The following STK10 variants were observed in gnomAD, a reference collection of about 807,000 sequenced individuals.
STK10 encodes the protein serine/threonine kinase 10, also known as serine/threonine-protein kinase 10.
STK10 carries 78 observed loss-of-function variants against 113.8 expected under a neutral mutation model. The observed-to-expected ratio is 0.69, with a 90% CI of 0.57 to 0.83. The LOEUF (loss-of-function observed/expected upper bound fraction) is 0.83, where lower values mean the gene tolerates loss of function less well. STK10 is among the 40% of genes least tolerant of loss of function. The probability of loss-of-function intolerance (pLI) is 0.00; values close to 1 mark genes in which losing one functional copy is unlikely to be tolerated. For missense variants in STK10, 1,109 were observed against 1,280.1 expected, an observed-to-expected ratio of 0.87 and a Z score of 2.04; for synonymous variants, 465 against 494.7, an observed-to-expected ratio of 0.94 and a Z score of 0.80.
intron 2 of STK10, among the ~76,000 whole-genome samples, chr5:172,138,062 G>A (rs1385673152): frequency 6.6e-6 from 1 of 152,086 alleles, no homozygotes; most frequent in Non-Finnish European, 1.5e-5. Flanking sequence ...CCTAGCCAGT[G>A]CACTTAGGCA....
At position 172,065,642 on chromosome 5, in the gene STK10, C is replaced by T. The variant is rs150583811; in HGVS notation, c.1990-830G>A. Among the ~76,000 whole-genome samples, 672 of 152,322 alleles carry T rather than the reference C, an allele frequency of 4.4e-3. 5 individuals carry two copies. Among genetic ancestry groups the T allele is most frequent in the African/African-American group, 0.015 (637 of 41,568 alleles). Reference sequence around the variant, plus strand: ...TCCAGGCTGGCCAAGCAGCATATTCCATGCCCTTAGCCTCAGGAACTGATT... The same window carrying T: ...TCCAGGCTGGCCAAGCAGCATATTCTATGCCCTTAGCCTCAGGAACTGATT... On this transcript the variant is annotated intron_variant, in intron 12 of 18. Coordinates refer to ENST00000176763, the MANE Select transcript of STK10 (RefSeq NM_005990.4).
intron 16 of STK10, among the ~76,000 whole-genome samples, chr5:172,055,370 T>G (rs1450701550): frequency 6.6e-6 from 1 of 152,096 alleles, no homozygotes; most frequent in Admixed American, 6.5e-5. Context: ...ATTATTTTTT[T>G]GTAGAGATGG....
chr5:172,092,358 G>A (rs1768732404), intron 9 of STK10: 1 of 152,206 alleles, frequency 6.6e-6, no homozygotes. Context: ...ATTCTCCACA[G>A]CCTTGAGAAG....
At chr5:172,170,123 T>C (rs1770639961) in intron 1 of STK10, among the ~76,000 whole-genome samples, 2 of 105,702 alleles carry the variant, frequency 1.9e-5, no homozygotes, top group African/African-American at 8.1e-5. Context: ...GTATGTATCC[T>C]TTTTTTTTTT....
At chr5:172,153,325 A>AAAG (rs1770283518) in intron 2 of STK10, among the ~76,000 whole-genome samples, 1 of 141,886 alleles carries the variant, frequency 7.0e-6, no homozygotes, top group African/African-American at 2.7e-5. Context: ...AGAAAGAAAG[A>AAAG]AATGTAAAAT....
chr5:172,049,150 C>T (rs746463182), intron 18 of STK10, among the ~76,000 whole-genome samples: 3 of 152,178 alleles, frequency 2.0e-5, no homozygotes, highest in Non-Finnish European at 4.4e-5. Flanking sequence ...TTCCGGAGGG[C>T]ATGGACTTGT....
In STK10 at chr5:172,145,424, T is replaced by TAGGA. The variant is rs1374737411; in HGVS notation, c.321+11196_321+11199dup. On this transcript the variant is annotated intron_variant, in intron 2 of 18. Transcript: ENST00000176763. ...TTTCAGTTGGTCCTTGAGGGACAGG[T>TAGGA]AGGAGTCAAACCAAGGCGGCGGGGG... Among the ~76,000 whole-genome samples, 4 of 145,194 alleles carry TAGGA rather than the reference T, an allele frequency of 2.8e-5. No individual in the cohort carries two copies. The East Asian group carries it at 8.1e-4, about 30-fold the overall frequency.
chr5:172,117,602 C>G lies in STK10; in HGVS notation c.399G>C (p.Gln133His), dbSNP rs1024764707. 1.2e-6 allele frequency: 2 copies of G among 1,613,974 alleles called. No homozygotes were observed. Among genetic ancestry groups the G allele is most frequent in the African/African-American group, 1.3e-5 (1 of 74,904 alleles). Reference sequence around the variant, plus strand: ...GCATCTGGCGGCAAACCACCTGTATCTGGGGCTCCGTGAGGCCTCTGTCCA... The same window carrying G: ...GCATCTGGCGGCAAACCACCTGTATGTGGGGCTCCGTGAGGCCTCTGTCCA... ...LELDRGLTEP[Q>H]IQVVCRQMLE... Residue 133 changes from glutamine (Q) to histidine (H), a missense_variant, in exon 4 of 19, where the codon CAG becomes CAC. Gln to His is a conservative substitution (Grantham distance 24). Around this residue, in one of 5 missense-constraint regions of STK10, gnomAD observed 120 missense variants for 134.8 expected, o/e 0.89. Coordinates refer to ENST00000176763, the MANE Select transcript of STK10 (RefSeq NM_005990.4).
intron 18 of STK10, among the ~76,000 whole-genome samples, chr5:172,047,241 A>G (rs1767511118): frequency 6.6e-6 from 1 of 152,234 alleles, no homozygotes; most frequent in South Asian, 2.1e-4. Context: ...GCAAAGAGGC[A>G]GCCCCCACAG....
chr5:172,096,367 G>A (rs1003088306), intron 8 of STK10, 59 bp downstream of exon 8: 1 of 1,593,840 alleles, frequency 6.3e-7, no homozygotes, highest in African/African-American at 1.3e-5. Context: ...CACACCAGCA[G>A]GGCCAGCTGA....
intron 2 of STK10, among the ~76,000 whole-genome samples, chr5:172,136,310 A>G (rs1486688592): frequency 6.6e-6 from 1 of 152,136 alleles, no homozygotes; most frequent in Non-Finnish European, 1.5e-5. Flanking sequence ...TAAAACCTCC[A>G]CACAGGCTGG....
At chr5:172,139,853 C>T (rs1769937217) in intron 2 of STK10, among the ~76,000 whole-genome samples, 2 of 142,538 alleles carry the variant, frequency 1.4e-5, no homozygotes, top group African/African-American at 5.3e-5. Flanking sequence ...AGCTTCCTAA[C>T]ATCGATCTTG....
At chr5:172,056,754 A>G (rs1270565209) in intron 15 of STK10, among the ~76,000 whole-genome samples, 8 of 151,384 alleles carry the variant, frequency 5.3e-5, no homozygotes, top group Non-Finnish European at 1.5e-5. Flanking sequence ...AGCACCTGTA[A>G]TCCCAGCTAC....
intron 4 of STK10, among the ~76,000 whole-genome samples, chr5:172,114,020 C>T (rs1197023851): frequency 6.6e-6 from 1 of 152,066 alleles, no homozygotes; most frequent in Non-Finnish European, 1.5e-5. Flanking sequence ...CTACACACAT[C>T]GTTTATATCT....
intron 4 of STK10, chr5:172,114,473 A>ATATATATATATATATATT (rs1226289994): frequency 6.3e-5 from 3 of 47,540 alleles, no homozygotes; most frequent in Non-Finnish European, 9.6e-5. Flanking sequence ...ATATATATAT[A>ATATATATATATATATATT]TTTTTTTTTT....
rs777120885 is a variant in STK10, at chr5:172,093,413, T to C, written c.1553A>G (p.Lys518Arg). 8 of 1,590,548 alleles carry C rather than the reference T, an allele frequency of 5.0e-6. No individual in the cohort carries two copies. The African/African-American group carries it at 5.4e-5, about 11-fold the overall frequency. ...CCGTGGTGGCAGAGGCGGTGTTACC[T>C]TGATGGACAGAGAGCCCATCTCTTT... is the stretch of plus-strand genomic sequence containing the variant. ...LNKEMGSLSI[K>R]DPKLYKKTLK... The change falls in exon 9 of 19, where the codon AAG becomes AGG. Residue 518 changes from lysine to arginine, a missense_variant and splice_region_variant. This residue lies in a region of STK10 where 885 missense variants were observed against 991.1 expected (regional missense o/e 0.89). Coordinates refer to ENST00000176763, the MANE Select transcript of STK10 (RefSeq NM_005990.4). The surrounding 1 kb of genome is among the most constrained non-coding windows in gnomAD (Gnocchi z 4.1).
intron 9 of STK10, among the ~76,000 whole-genome samples, chr5:172,091,481 C>T (rs1010912937): frequency 6.6e-6 from 1 of 151,894 alleles, no homozygotes; most frequent in Non-Finnish European, 1.5e-5. Context: ...GTCCCCATAA[C>T]CCTCCCGCTC....
chr5:172,094,383 G>C (rs1768800096), intron 8 of STK10, among the ~76,000 whole-genome samples: 1 of 151,892 alleles, frequency 6.6e-6, no homozygotes, highest in South Asian at 2.1e-4. Flanking sequence ...ATTTTTTTGA[G>C]ACAGGGTCTT....
chr5:172,160,440 A>G (rs1176918855), intron 1 of STK10, among the ~76,000 whole-genome samples: 1 of 151,242 alleles, frequency 6.6e-6, no homozygotes, highest in Non-Finnish European at 1.5e-5. Flanking sequence ...GCACCACTGC[A>G]CTCCAGCCTG....
Sources: gnomAD v4.1 joint callset for allele counts (sites outside exome capture counted in the v4.1 genomes callset) on GRCh38, gnomAD v4.1.1 for gene constraint, gnomAD v4.1.1 regional missense constraint, Gnocchi (gnomAD v3.1) non-coding constraint, MANE v1.5 for transcripts, NCBI Gene and HGNC (gene_info 2026-07-23, HGNC 2026-07-21) for gene names.